The following LPCAT4 variants were observed in gnomAD, a reference collection of about 807,000 sequenced individuals.
LPCAT4 encodes the protein lysophosphatidylcholine acyltransferase 4.
Under a neutral mutation model 66.5 loss-of-function variants are expected in LPCAT4, and 30 were observed. That is an observed-to-expected ratio of 0.45 (90% confidence interval 0.34 to 0.61). The LOEUF is 0.61. Ranked by LOEUF, LPCAT4 falls within the 20% of genes least tolerant of loss-of-function variation. The pLI, the probability that LPCAT4 is intolerant of heterozygous loss-of-function variation, is 0.01. For synonymous variants in LPCAT4, 253 were observed against 262.1 expected (o/e 0.97, Z 0.34); for missense variants, 557 against 656.7 (o/e 0.85, Z 1.66).
intron 11 of LPCAT4, chr15:34,361,054 C>A (rs1890930798): frequency 5.9e-6 from 2 of 341,162 alleles, no homozygotes; most frequent in Non-Finnish European, 9.3e-6. Flanking sequence ...ATGTCATCTT[C>A]CCACGTAACC....
At chr15:34,366,455 T>A (rs1425084651) in intron 1 of LPCAT4, among the ~76,000 whole-genome samples, 2 of 152,140 alleles carry the variant, frequency 1.3e-5, no homozygotes, top group Admixed American at 6.5e-5. Context: ...CCAACCTCCC[T>A]CTCAGCCTCC....
intron 13 of LPCAT4, 107 bp downstream of exon 13, chr15:34,359,482 G>T (rs1333269173): frequency 7.0e-7 from 1 of 1,425,142 alleles, no homozygotes; most frequent in Non-Finnish European, 9.4e-7. Context: ...CATAGGTTCT[G>T]ATCTCCAGCA....
At chr15:34,365,288 G>A (rs967107293) in intron 2 of LPCAT4, 60 bp from the exon 3 acceptor site, 31 of 1,510,534 alleles carry the variant, frequency 2.1e-5, no homozygotes, top group Non-Finnish European at 2.4e-5. Context: ...CCCGCCCCCA[G>A]GTTCAGACAC....
At chr15:34,361,968 G>A (rs1300024308) in intron 10 of LPCAT4, among the ~76,000 whole-genome samples, 8 of 152,138 alleles carry the variant, frequency 5.3e-5, no homozygotes, top group Non-Finnish European at 1.2e-4. Context: ...CAAAGTGCTG[G>A]GATTACAGGT....
rs142972913 is a variant in LPCAT4 at position 34,363,007 on chromosome 15, G to C, written c.747-171C>G. 1.2e-5 allele frequency: 8 copies of C among 677,020 alleles called. No individual in the cohort carries two copies. In the African/African-American group the frequency reaches 1.3e-4, roughly 11 times the overall value. 41.9% of individuals were successfully genotyped at this position (677,020 alleles called of 1,614,324 possible). On this transcript the variant is annotated intron_variant, in intron 7 of 13. Transcript: ENST00000314891. The surrounding 1 kb of genome is among the most constrained non-coding windows in gnomAD (Gnocchi z 4.3). ...AGTCAGGTGGGTGAATATGCAGTTG[G>C]GAGACACAAGGAACGGCCAGAAACG... is the stretch of plus-strand genomic sequence containing the variant.
intron 11 of LPCAT4, among the ~76,000 whole-genome samples, chr15:34,360,505 G>A (rs1024356964): frequency 7.9e-5 from 12 of 152,262 alleles, no homozygotes; most frequent in South Asian, 4.1e-4. Context: ...ACATGCCAGC[G>A]GAGGGCAGTC....
In LPCAT4 at chr15:34,360,125, G is replaced by A. The variant is rs527812170; in HGVS notation, c.1228C>T (p.Arg410Cys). 3.4e-5 allele frequency: 55 copies of A among 1,610,516 alleles called. No individual in the cohort carries two copies. Among genetic ancestry groups the A allele is most frequent in the South Asian group, 3.3e-5 (3 of 90,866 alleles). Residue 410 changes from arginine to cysteine, a missense_variant, in exon 12 of 14, where the codon CGT becomes TGT. Arg to Cys is a radical substitution (Grantham distance 180). This residue lies in a region of LPCAT4 where 392 missense variants were observed against 473.9 expected (regional missense o/e 0.83). Coordinates refer to ENST00000314891, the MANE Select transcript of LPCAT4 (RefSeq NM_153613.3). ...CCCCCCATTACCTCAAAGGCCAGAC[G>A]AGTTAGCTCTTCCAGGCTCCTGCCC... is the stretch of plus-strand genomic sequence containing the variant. ...DGGRSLEELT[R>C]LAFELFAEEQ... is the part of the protein sequence containing the mutation.
Position 34,359,439 on chromosome 15 carries a change from C to T in LPCAT4, c.1400-137G>A. 3.8e-6 allele frequency: 5 copies of T among 1,320,368 alleles called. No individual in the cohort carries two copies. The South Asian group carries it at 7.8e-5, about 20-fold the overall frequency. 81.8% of individuals were successfully genotyped at this position (1,320,368 alleles called of 1,614,324 possible). A position where few individuals can be genotyped will look rare whatever the true frequency, so the allele number is the denominator to read the frequency against. The stretch of plus-strand genomic sequence containing the variant: ...CAAATCCAGGTTCAGGTCCTCTCTT[C>T]CTTTCTAGCCTGTTCCTCCCAGCCT... On this transcript the variant is annotated intron_variant, in intron 13 of 13. Transcript: ENST00000314891.
In LPCAT4 at chr15:34,363,958, C is replaced by A; in HGVS notation, c.652+55G>T. 6.4e-7 allele frequency: 1 copy of A among 1,567,142 alleles called. No individual in the cohort carries two copies. The highest frequency in any genetic ancestry group is 8.8e-7 in the Non-Finnish European group (1 of 1,140,924). On this transcript the variant is annotated intron_variant, in intron 5 of 13. Transcript: ENST00000314891. The surrounding 1 kb of genome is among the most constrained non-coding windows in gnomAD (Gnocchi z 4.3). Reference sequence around the variant, plus strand: ...TCTTGGGTTATTTCAGAGTCCCTCCCCAAATCTGGAACTTCTTTTTCCTAC... The same window carrying A: ...TCTTGGGTTATTTCAGAGTCCCTCCACAAATCTGGAACTTCTTTTTCCTAC...
At position 34,363,572 on chromosome 15, in the gene LPCAT4, T is replaced by A; in HGVS notation, c.711+89A>T. 2 of 1,596,502 alleles carry A rather than the reference T, an allele frequency of 1.3e-6. No homozygotes were observed. Among genetic ancestry groups the A allele is most frequent in the Non-Finnish European group, 1.7e-6 (2 of 1,164,318 alleles). ...CTCTGGTCACAGCCCCCAATGCACA[T>A]CCCATTAAAGCACCAACAGTTTTCA... is the stretch of plus-strand genomic sequence containing the variant. On this transcript the variant is annotated intron_variant, in intron 6 of 13. Transcript: ENST00000314891. The surrounding 1 kb of genome is among the most constrained non-coding windows in gnomAD (Gnocchi z 4.3).
At chr15:34,360,089 C>G (rs747467857) in intron 12 of LPCAT4, 22 bp downstream of exon 12, 6 of 1,569,558 alleles carry the variant, frequency 3.8e-6, no homozygotes, top group African/African-American at 2.7e-5. Context: ...AAGCACCCCC[C>G]ACCACCGCCA....
At chr15:34,365,909 G>A in intron 1 of LPCAT4, 1 of 566,986 alleles carries the variant, frequency 1.8e-6, no homozygotes, top group Middle Eastern at 4.8e-4. Context: ...GGCATCAAGG[G>A]CCTTATTTTC....
intron 1 of LPCAT4, 102 bp downstream of exon 1, chr15:34,366,885 A>C: frequency 2.0e-6 from 3 of 1,486,036 alleles, no homozygotes; most frequent in Non-Finnish European, 2.7e-6. Context: ...CCTCTCAGCC[A>C]TCTCCTTCTC....
At chr15:34,362,431 T>A in intron 9 of LPCAT4, 110 bp from the exon 10 acceptor site, 1 of 1,461,400 alleles carries the variant, frequency 6.8e-7, no homozygotes, top group East Asian at 2.3e-5. Context: ...CCTTTAAATC[T>A]CCCTGCCTCT....
chr15:34,361,830 G>C (rs1890952176), intron 10 of LPCAT4, among the ~76,000 whole-genome samples: 1 of 152,104 alleles, frequency 6.6e-6, no homozygotes, highest in South Asian at 2.1e-4. Context: ...CTCCCAAGTA[G>C]CTGGGATTAC....
At chr15:34,366,281 G>C (rs1891074155) in intron 1 of LPCAT4, among the ~76,000 whole-genome samples, 2 of 152,196 alleles carry the variant, frequency 1.3e-5, no homozygotes, top group South Asian at 4.1e-4. Flanking sequence ...AGGCTGCCAG[G>C]AGCCAGGATG....
At chr15:34,366,833 G>A in intron 1 of LPCAT4, 154 bp downstream of exon 1, 2 of 1,145,546 alleles carry the variant, frequency 1.7e-6, no homozygotes, top group Non-Finnish European at 1.2e-6. Context: ...GCCCAACCGC[G>A]GCCGCCCCCA....
chr15:34,365,976 T>C (rs1343401605), intron 1 of LPCAT4: 4 of 398,330 alleles, frequency 1.0e-5, no homozygotes, highest in Non-Finnish European at 1.8e-5. Flanking sequence ...AAAAAGCATC[T>C]AGCACTTAGA....
At chr15:34,364,330 A>AAGTGATTCCTCTTT in intron 3 of LPCAT4, 24 bp from the exon 4 acceptor site, 2 of 1,497,080 alleles carry the variant, frequency 1.3e-6, no homozygotes, top group Non-Finnish European at 1.9e-6. Flanking sequence ...GGATACAAAG[A>AAGTGATTCCTCTTT]GGAATCACTT....
Sources: gnomAD v4.1 joint callset for allele counts (sites outside exome capture counted in the v4.1 genomes callset) on GRCh38, gnomAD v4.1.1 for gene constraint, gnomAD v4.1.1 regional missense constraint, Gnocchi (gnomAD v3.1) non-coding constraint, MANE v1.5 for transcripts, NCBI Gene and HGNC (gene_info 2026-07-23, HGNC 2026-07-21) for gene names.